LMNTD1: variants seen among roughly 807,000 people sequenced by gnomAD.
The protein encoded by LMNTD1 is lamin tail domain containing 1.
LMNTD1 carries 35 observed loss-of-function variants against 50.9 expected under a neutral mutation model. The ratio of observed to expected loss-of-function variants is 0.69; its 90% CI spans 0.53 to 0.91. The LOEUF (loss-of-function observed/expected upper bound fraction) is 0.91, where lower values mean the gene tolerates loss of function less well. LMNTD1 is among the 40% of genes least tolerant of loss of function. The probability of loss-of-function intolerance (pLI) is 0.00; values close to 1 mark genes in which losing one functional copy is unlikely to be tolerated. For missense variants in LMNTD1, 470 were observed against 475.5 expected, an observed-to-expected ratio of 0.99 and a Z score of 0.11; for synonymous variants, 153 against 161.9, an observed-to-expected ratio of 0.94 and a Z score of 0.42.
intron 6 of LMNTD1, among the ~76,000 whole-genome samples, chr12:25,523,693 T>C (rs1941505187): frequency 6.6e-6 from 1 of 152,060 alleles, no homozygotes; most frequent in South Asian, 2.1e-4. Flanking sequence ...ATACTTACAT[T>C]AGGGTTTCAA....
At chr12:25,488,202 C>G (rs887744328) in intron 9 of LMNTD1, among the ~76,000 whole-genome samples, 1 of 138,916 alleles carries the variant, frequency 7.2e-6, no homozygotes, top group African/African-American at 2.6e-5. Flanking sequence ...TGGGGAAGTT[C>G]TCCTGGATAA....
chr12:25,514,078 A>G (rs1338502862), intron 8 of LMNTD1, among the ~76,000 whole-genome samples: 1 of 152,184 alleles, frequency 6.6e-6, no homozygotes, highest in Non-Finnish European at 1.5e-5. Flanking sequence ...AAGAGGAGTA[A>G]AAAGTTTAAG....
At chr12:25,573,668 T>C (rs1944888279) in intron 1 of LMNTD1, among the ~76,000 whole-genome samples, 1 of 152,322 alleles carries the variant, frequency 6.6e-6, no homozygotes, top group South Asian at 2.1e-4. Flanking sequence ...GAAGTATCTT[T>C]GTTCCCTAGG....
chr12:25,580,232 C>A (rs555531805), intron 1 of LMNTD1, among the ~76,000 whole-genome samples: 1 of 152,184 alleles, frequency 6.6e-6, no homozygotes, highest in East Asian at 1.9e-4. Flanking sequence ...TTTTCATGAC[C>A]CCCTCTGGCC....
At chr12:25,483,333 A>G (rs1313437034) in intron 9 of LMNTD1, among the ~76,000 whole-genome samples, 2 of 151,734 alleles carry the variant, frequency 1.3e-5, no homozygotes, top group East Asian at 3.9e-4. Flanking sequence ...CTGAGGAGGG[A>G]GGATTGCTTG....
intron 3 of LMNTD1, among the ~76,000 whole-genome samples, chr12:25,549,068 G>A (rs1224753940): frequency 2.0e-5 from 3 of 151,924 alleles, no homozygotes; most frequent in Non-Finnish European, 4.4e-5. Flanking sequence ...GTCAACTCAT[G>A]AACCATCATG....
intron 8 of LMNTD1, among the ~76,000 whole-genome samples, chr12:25,507,465 C>T (rs1389180869): frequency 6.6e-6 from 1 of 152,202 alleles, no homozygotes; most frequent in Non-Finnish European, 1.5e-5. Flanking sequence ...ACAGATCCAA[C>T]TTAAAAATGG....
In LMNTD1 at chr12:25,482,606, G is replaced by A. The variant is rs530177887; in HGVS notation, c.*23-6146C>T. Among the ~76,000 whole-genome samples, 282 of 152,026 alleles carry A rather than the reference G, an allele frequency of 1.9e-3. 4 individuals are homozygous for A. Among genetic ancestry groups the A allele is most frequent in the African/African-American group, 6.1e-3 (250 of 41,304 alleles). The stretch of plus-strand genomic sequence containing the variant: ...TGTCAATCAGTCATAAAATTTAAGC[G>A]TTAGAAACAAGTGGCTGCTCCTAAA... On this transcript the variant is annotated intron_variant, in intron 9 of 9. Coordinates refer to ENST00000458174, the MANE Select transcript of LMNTD1 (RefSeq NM_001145728.2).
At chr12:25,521,144 T>C (rs1941289653) in intron 6 of LMNTD1, among the ~76,000 whole-genome samples, 1 of 152,194 alleles carries the variant, frequency 6.6e-6, no homozygotes, top group Non-Finnish European at 1.5e-5. Flanking sequence ...CAAACTTTTT[T>C]TTTTCCCAGT....
chr12:25,553,411 T>C (rs550729242), upstream of LMNTD1: 3 of 348,200 alleles, frequency 8.6e-6, no homozygotes, highest in South Asian at 1.5e-4. Context: ...AGACATTAAA[T>C]AAAGTAATTT....
chr12:25,561,212 C>T (rs1484527592), intron 1 of LMNTD1, among the ~76,000 whole-genome samples: 1 of 152,100 alleles, frequency 6.6e-6, no homozygotes, highest in Non-Finnish European at 1.5e-5. Context: ...TCTTGCTTCT[C>T]TAGTTCTTTT....
At chr12:25,491,086 G>A (rs758453101) in intron 9 of LMNTD1, among the ~76,000 whole-genome samples, 11 of 152,226 alleles carry the variant, frequency 7.2e-5, no homozygotes, top group East Asian at 1.9e-4. Flanking sequence ...GCCCAGTGCC[G>A]CCTGAGGATG....
intron 1 of LMNTD1, among the ~76,000 whole-genome samples, chr12:25,611,173 A>AT (rs754584982): frequency 6.6e-6 from 1 of 152,218 alleles, no homozygotes; most frequent in Non-Finnish European, 1.5e-5. Flanking sequence ...AAGCTATGCC[A>AT]TTTGGTGATT....
At chr12:25,645,717 G>A (rs1310330923) in intron 1 of LMNTD1, among the ~76,000 whole-genome samples, 1 of 152,228 alleles carries the variant, frequency 6.6e-6, no homozygotes, top group Non-Finnish European at 1.5e-5. Context: ...TGTAGCAGCT[G>A]TATGTGTTTC....
intron 1 of LMNTD1, among the ~76,000 whole-genome samples, chr12:25,572,306 C>A (rs1944830579): frequency 6.6e-6 from 1 of 152,156 alleles, no homozygotes; most frequent in Non-Finnish European, 1.5e-5. Context: ...TTTCCCCTTC[C>A]ATTATATTCA....
chr12:25,527,068 A>G (rs770344849), intron 4 of LMNTD1, 113 bp from the exon 5 acceptor site: 47 of 670,622 alleles, frequency 7.0e-5, no homozygotes, highest in Non-Finnish European at 9.4e-5. Context: ...TGTATATTCT[A>G]TTGGGCAAGT....
At chr12:25,501,992 A>C (rs1416234092) in intron 9 of LMNTD1, among the ~76,000 whole-genome samples, 1 of 152,184 alleles carries the variant, frequency 6.6e-6, no homozygotes, top group Non-Finnish European at 1.5e-5. Flanking sequence ...AACAGAAGTA[A>C]GGCATCTTAG....
At chr12:25,602,895 C>A (rs1946010948) in intron 1 of LMNTD1, among the ~76,000 whole-genome samples, 1 of 152,014 alleles carries the variant, frequency 6.6e-6, no homozygotes, top group African/African-American at 2.4e-5. Context: ...TTCTAACAGT[C>A]CTTCCTTTGA....
At chr12:25,644,313 C>CAAAA (rs59091210) in intron 1 of LMNTD1, among the ~76,000 whole-genome samples, 6,659 of 81,904 alleles carry the variant, frequency 0.081, 574 homozygotes, top group Non-Finnish European at 0.11. Flanking sequence ...CCTTTCTCTA[C>CAAAA]AAAAAAAAAA....
Sources: allele counts gnomAD v4.1 joint callset (sites outside exome capture counted in the v4.1 genomes callset), GRCh38; gene constraint gnomAD v4.1.1; transcripts MANE v1.5; gene names NCBI Gene and HGNC (gene_info 2026-07-23, HGNC 2026-07-21).